The following FAM135B variants were observed in gnomAD, a reference collection of about 807,000 sequenced individuals.
The protein encoded by FAM135B is family with sequence similarity 135 member B.
FAM135B carries 43 observed loss-of-function variants against 127.7 expected under a neutral mutation model. The observed-to-expected ratio is 0.34, with a 90% CI of 0.26 to 0.43. FAM135B has a LOEUF of 0.43. Ranked by LOEUF, FAM135B falls within the 20% of genes least tolerant of loss-of-function variation. FAM135B has a pLI of 1.00. For missense variants in FAM135B, 1,558 were observed against 1,725.6 expected, an observed-to-expected ratio of 0.90 and a Z score of 1.72; for synonymous variants, 670 against 665.1, an observed-to-expected ratio of 1.01 and a Z score of -0.11.
intron 2 of FAM135B, chr8:138,367,187 T>C (rs559348600): frequency 2.1e-4 from 70 of 326,874 alleles, no homozygotes; most frequent in Non-Finnish European, 3.4e-4. Context: ...ATTTGCGCTG[T>C]TAATTGGACA....
At position 138,305,333 on chromosome 8, in the gene FAM135B, G is replaced by A. The variant is rs564791850; in HGVS notation, c.157+5508C>T. On this transcript the variant is annotated intron_variant, in intron 3 of 19. Transcript: ENST00000395297. ...CTAATCATTTGCTGCAGCCTCACTC[G>A]ACTTGAACAGACCCCGCTCCCAAGC... is the stretch of plus-strand genomic sequence containing the variant. Among the ~76,000 whole-genome samples, 8 of 152,194 alleles carry A rather than the reference G, an allele frequency of 5.3e-5. No individual in the cohort carries two copies. In the South Asian group the frequency reaches 6.2e-4, roughly 12 times the overall value.
intron 7 of FAM135B, among the ~76,000 whole-genome samples, chr8:138,202,422 T>C (rs891975268): frequency 3.9e-5 from 6 of 152,126 alleles, no homozygotes; most frequent in Admixed American, 3.9e-4. Context: ...GCTAATGTTT[T>C]AATTTTTTTG....
At chr8:138,391,366 G>C (rs2131327659) in intron 1 of FAM135B, among the ~76,000 whole-genome samples, 1 of 151,696 alleles carries the variant, frequency 6.6e-6, no homozygotes, top group South Asian at 2.1e-4. Context: ...TCTCCCCTCA[G>C]TCCCAGCTCC....
intron 1 of FAM135B, among the ~76,000 whole-genome samples, chr8:138,422,197 G>T (rs1249985353): frequency 6.6e-6 from 1 of 151,996 alleles, no homozygotes; most frequent in African/African-American, 2.4e-5. Flanking sequence ...ATACCATTCT[G>T]GACATCCACC....
At chr8:138,187,892 T>G (rs1815731707) in intron 9 of FAM135B, among the ~76,000 whole-genome samples, 1 of 152,186 alleles carries the variant, frequency 6.6e-6, no homozygotes, top group Admixed American at 6.5e-5. Context: ...GGCTGGGGAC[T>G]GAGCTAATCA....
intron 1 of FAM135B, among the ~76,000 whole-genome samples, chr8:138,433,590 A>G (rs562626580): frequency 6.6e-6 from 1 of 152,098 alleles, no homozygotes; most frequent in South Asian, 2.1e-4. Flanking sequence ...AAGAGTATTA[A>G]ATAAATGTAA....
chr8:138,251,411 T>G (rs1821686738), intron 5 of FAM135B, among the ~76,000 whole-genome samples: 1 of 152,196 alleles, frequency 6.6e-6, no homozygotes, highest in Non-Finnish European at 1.5e-5. Flanking sequence ...AACGCTGCAC[T>G]GACTGTGTGA....
intron 9 of FAM135B, among the ~76,000 whole-genome samples, chr8:138,186,217 C>T (rs1441383321): frequency 2.0e-5 from 3 of 152,214 alleles, no homozygotes; most frequent in South Asian, 2.1e-4. Context: ...CAGGGTCCAC[C>T]TTATCTGTGA....
At chr8:138,218,871 A>G (rs1339858312) in intron 7 of FAM135B, among the ~76,000 whole-genome samples, 1 of 152,204 alleles carries the variant, frequency 6.6e-6, no homozygotes, top group Non-Finnish European at 1.5e-5. Flanking sequence ...CAACGCAGCC[A>G]GGAAACTGCT....
At chr8:138,199,456 C>A in intron 7 of FAM135B, among the ~76,000 whole-genome samples, 1 of 152,164 alleles carries the variant, frequency 6.6e-6, no homozygotes, top group South Asian at 2.1e-4. Context: ...CCTGCAGGTA[C>A]AACGGAGACC....
At chr8:138,394,644 T>C (rs1299428911) in intron 1 of FAM135B, among the ~76,000 whole-genome samples, 2 of 152,332 alleles carry the variant, frequency 1.3e-5, no homozygotes, top group Non-Finnish European at 1.5e-5. Context: ...GTGAATGTCA[T>C]ATATGTGTGG....
intron 1 of FAM135B, among the ~76,000 whole-genome samples, chr8:138,424,302 T>G (rs938115129): frequency 6.6e-6 from 1 of 152,218 alleles, no homozygotes; most frequent in Non-Finnish European, 1.5e-5. Context: ...TAAGAAATTA[T>G]AAAAGTATTA....
intron 1 of FAM135B, among the ~76,000 whole-genome samples, chr8:138,380,409 G>A (rs1244902836): frequency 6.6e-6 from 1 of 152,034 alleles, no homozygotes; most frequent in African/African-American, 2.4e-5. Context: ...GGCCAGGCTG[G>A]TCTCAAACTC....
intron 7 of FAM135B, among the ~76,000 whole-genome samples, chr8:138,208,429 T>C (rs142310694): frequency 6.6e-6 from 1 of 152,372 alleles, no homozygotes; most frequent in Non-Finnish European, 1.5e-5. Context: ...AGTTTTCATT[T>C]CTTATTCCTA....
rs2130481474 is a variant in FAM135B, at chr8:138,132,612, C to G, written c.4202G>C (p.Gly1401Ala). The change falls in exon 20 of 20, where the codon GGA becomes GCA. Residue 1401 changes from glycine (G) to alanine (A), a missense_variant. This residue lies in a region of FAM135B where 194 missense variants were observed against 333.8 expected (regional missense o/e 0.58). Coordinates refer to ENST00000395297, the MANE Select transcript of FAM135B (RefSeq NM_015912.4). This position sits in a 1 kb window ranked among gnomAD's most constrained non-coding sequence, Gnocchi z 4.5. ...AAGCCACTACTTGAAGTAGTTGAGT[C>G]CTGCCACCAAGAAAAACTTCTCCAG... ...LFLEKFFLVA[G>A]LNYFK is the part of the protein sequence containing the mutation. 1.2e-6 allele frequency: 2 copies of G among 1,614,134 alleles called. No individual in the cohort carries two copies. Among genetic ancestry groups the G allele is most frequent in the Non-Finnish European group, 1.7e-6 (2 of 1,180,010 alleles).
At chr8:138,138,932 G>C (rs1816891494) in intron 18 of FAM135B, 54 bp downstream of exon 18, 2 of 1,073,422 alleles carry the variant, frequency 1.9e-6, no homozygotes, top group Non-Finnish European at 2.9e-6. Flanking sequence ...TGTGTCTCAG[G>C]AGTTGAATCC....
intron 3 of FAM135B, among the ~76,000 whole-genome samples, chr8:138,292,966 A>T (rs757661488): frequency 1.5e-4 from 23 of 152,182 alleles, no homozygotes; most frequent in Non-Finnish European, 3.2e-4. Context: ...CATGAAGAAC[A>T]AATCTAGAGG....
chr8:138,387,477 T>C lies in FAM135B; in HGVS notation c.-19-19475A>G, dbSNP rs13276644. 9.0e-3 allele frequency among the ~76,000 whole-genome samples: 1,378 copies of C among 152,330 alleles called. 11 individuals carry two copies. The highest frequency in any genetic ancestry group is 0.015 in the Non-Finnish European group (1,048 of 68,024). On this transcript the variant is annotated intron_variant, in intron 1 of 19. Transcript: ENST00000395297. ...CCCACCTTCCTCTCTTTTCTCCTTT[T>C]GCTCATTCTCTCCAGACCAGCAGAA... is the stretch of plus-strand genomic sequence containing the variant.
In FAM135B at chr8:138,243,397, C is replaced by T. The variant is rs1009496132; in HGVS notation, c.543-329G>A. Reference sequence around the variant, plus strand: ...TCACTAGAGGGGAAGGTGGCATGGGCTCCGAAAATTTCAGGGGCAACTCTG... The same window carrying T: ...TCACTAGAGGGGAAGGTGGCATGGGTTCCGAAAATTTCAGGGGCAACTCTG... On this transcript the variant is annotated intron_variant, in intron 6 of 19. Coordinates refer to ENST00000395297, the MANE Select transcript of FAM135B (RefSeq NM_015912.4). The surrounding 1 kb of genome is among the most constrained non-coding windows in gnomAD (Gnocchi z 7.5). 2.0e-5 allele frequency among the ~76,000 whole-genome samples: 3 copies of T among 152,176 alleles called. No homozygotes were observed. Among genetic ancestry groups the T allele is most frequent in the Non-Finnish European group, 4.4e-5 (3 of 68,034 alleles).
Sources: gnomAD v4.1 joint callset for allele counts (sites outside exome capture counted in the v4.1 genomes callset) on GRCh38, gnomAD v4.1.1 for gene constraint, gnomAD v4.1.1 regional missense constraint, Gnocchi (gnomAD v3.1) non-coding constraint, MANE v1.5 for transcripts, NCBI Gene and HGNC (gene_info 2026-07-23, HGNC 2026-07-21) for gene names.